The following SPTAN1 variants were observed in gnomAD, a reference collection of about 807,000 sequenced individuals.
The protein encoded by SPTAN1 is spectrin alpha, non-erythrocytic 1, also known as spectrin alpha chain, non-erythrocytic 1.
A neutral mutation model predicts 331.3 loss-of-function variants in SPTAN1; 61 were observed. The observed-to-expected ratio is 0.18, with a 90% CI of 0.15 to 0.23. The LOEUF is 0.23. SPTAN1 is among the 10% of genes least tolerant of loss of function. The probability of loss-of-function intolerance (pLI) is 1.00; values close to 1 mark genes in which losing one functional copy is unlikely to be tolerated. For missense variants in SPTAN1, 2,043 were observed against 3,147.9 expected (o/e 0.65, Z 8.40); for synonymous variants, 1,153 against 1,173.9 (o/e 0.98, Z 0.36).
chr9:128,556,916 A>G (rs1848699521), intron 1 of SPTAN1, among the ~76,000 whole-genome samples: 1 of 152,194 alleles, frequency 6.6e-6, no homozygotes, highest in Admixed American at 6.5e-5. Context: ...GTGCTAATCA[A>G]TTCTTTGGTG....
Position 128,629,900 on chromosome 9 carries a change from G to C in SPTAN1, c.6708-421G>C, listed in dbSNP as rs537140352. ...CCGGGACACTCCAGGGTTTCTGTGG[G>C]GAGGCTGTCAGGTTCTCAGCCTCCC... On this transcript the variant is annotated intron_variant, in intron 51 of 56. Coordinates refer to ENST00000372739, the MANE Select transcript of SPTAN1 (RefSeq NM_001130438.3). The surrounding 1 kb of genome is among the most constrained non-coding windows in gnomAD (Gnocchi z 4.9). 13 of 349,334 alleles carry C rather than the reference G, an allele frequency of 3.7e-5. No individual in the cohort carries two copies. The highest frequency in any genetic ancestry group is 2.7e-4 in the South Asian group (12 of 44,094). The allele number at this position is 349,334 out of a possible 1,614,324, so 21.6% of individuals were successfully genotyped here.
intron 27 of SPTAN1, chr9:128,601,301 A>G (rs1855120530): frequency 6.6e-6 from 1 of 152,048 alleles, no homozygotes; most frequent in African/African-American, 2.4e-5. Flanking sequence ...TATAACTGTG[A>G]TTGTGTAACT....
At chr9:128,560,716 G>A (rs1329818167) in intron 1 of SPTAN1, among the ~76,000 whole-genome samples, 1 of 151,992 alleles carries the variant, frequency 6.6e-6, no homozygotes, top group Admixed American at 6.5e-5. Context: ...ATGTGAAAAG[G>A]AACTAATAAA....
Position 128,579,542 on chromosome 9 carries a change from A to G in SPTAN1, c.1222-95A>G, listed in dbSNP as rs112047036. 1.7e-3 allele frequency: 1,584 copies of G among 905,828 alleles called. 14 individuals carry two copies. In the African/African-American group the frequency reaches 0.021, roughly 12 times the overall value. The allele number at this position is 905,828 out of a possible 1,614,324, so 56.1% of individuals were successfully genotyped here. On this transcript the variant is annotated intron_variant, in intron 9 of 56. Transcript: ENST00000372739. Reference sequence around the variant, plus strand: ...TTTTGTTTCTCATTTTAGATGTCATAGTCTGGCTTATAATGCTTATGTAAA... The same window carrying G: ...TTTTGTTTCTCATTTTAGATGTCATGGTCTGGCTTATAATGCTTATGTAAA...
intron 15 of SPTAN1, 31 bp from the exon 16 acceptor site, chr9:128,583,757 A>G (rs1390029613): frequency 2.5e-6 from 4 of 1,612,824 alleles, no homozygotes; most frequent in Non-Finnish European, 3.4e-6. Flanking sequence ...AATGCTAAGC[A>G]GTACAAAATT....
chr9:128,570,782 G>A (rs988274244), intron 3 of SPTAN1, among the ~76,000 whole-genome samples: 8 of 151,900 alleles, frequency 5.3e-5, no homozygotes, highest in Non-Finnish European at 1.2e-4. Context: ...TCAGCCTCCC[G>A]AGTAGCTAGG....
At chr9:128,596,976 A>G (rs532012044) in intron 24 of SPTAN1, among the ~76,000 whole-genome samples, 90 of 152,324 alleles carry the variant, frequency 5.9e-4, no homozygotes, top group African/African-American at 2.1e-3. Context: ...CCTGGCCAAC[A>G]TGGCAAAACC....
chr9:128,557,736 T>C (rs1848805690), intron 1 of SPTAN1, among the ~76,000 whole-genome samples: 1 of 151,822 alleles, frequency 6.6e-6, no homozygotes, highest in Non-Finnish European at 1.5e-5. Context: ...TGTGTATAAG[T>C]TTGTGTTTGA....
At chr9:128,593,795 C>A (rs1853855132) in intron 23 of SPTAN1, 2 of 283,788 alleles carry the variant, frequency 7.0e-6, no homozygotes, top group Admixed American at 4.3e-5. Flanking sequence ...ACAGAAAAAC[C>A]CTCTGTATAC....
chr9:128,599,237 C>T (rs1854729120), intron 26 of SPTAN1: 2 of 486,914 alleles, frequency 4.1e-6, no homozygotes, highest in South Asian at 4.1e-5. Flanking sequence ...CAGGTTCAAG[C>T]GATTCTCCCA....
intron 1 of SPTAN1, among the ~76,000 whole-genome samples, chr9:128,556,065 CA>C (rs1301650414): frequency 6.6e-6 from 1 of 151,886 alleles, no homozygotes; most frequent in Non-Finnish European, 1.5e-5. Context: ...ACTAAAAATA[CA>C]AAAAATTAGC....
intron 1 of SPTAN1, among the ~76,000 whole-genome samples, chr9:128,566,078 TTTTTG>T (rs1260168454): frequency 2.0e-5 from 3 of 152,112 alleles, no homozygotes; most frequent in South Asian, 2.1e-4. Context: ...TTGTTTTCGG[TTTTTG>T]TTTTGTTTTG....
chr9:128,628,107 G>GC (rs1028784288), intron 51 of SPTAN1, 165 bp downstream of exon 51: 1 of 901,064 alleles, frequency 1.1e-6, no homozygotes, highest in Non-Finnish European at 1.9e-6. Context: ...TGTGTGCCTT[G>GC]CCCCATAGCC....
rs776279771 is a variant in SPTAN1 at position 128,585,804 on chromosome 9, G to A, written c.2617G>A (p.Glu873Lys). The change falls in exon 19 of 57, where the codon GAG becomes AAG. Residue 873 changes from glutamate to lysine, a missense_variant. Physicochemically the swap from Glu to Lys is moderately conservative, Grantham distance 56. Around this residue, in one of 12 missense-constraint regions of SPTAN1, gnomAD observed 1,038 missense variants for 1,531.5 expected, o/e 0.68. Coordinates refer to ENST00000372739, the MANE Select transcript of SPTAN1 (RefSeq NM_001130438.3). ...GCTTCACGAGCTGAACCAAAAGTGG[G>A]AGGCACTGAAAGCCAAAGCTTCCCA... is the stretch of plus-strand genomic sequence containing the variant. ...AKLHELNQKW[E>K]ALKAKASQRR... The A allele has an allele frequency of 1.5e-5, 25 of 1,614,098 alleles. No individual in the cohort carries two copies. The highest frequency in any genetic ancestry group is 1.9e-5 in the Non-Finnish European group (22 of 1,180,044).
At position 128,577,146 on chromosome 9, in the gene SPTAN1, T is replaced by G. The variant is rs1379597836; in HGVS notation, c.803T>G (p.Ile268Ser). The G allele has an allele frequency of 6.2e-7, 1 of 1,614,110 alleles. No individual in the cohort carries two copies. The highest frequency in any genetic ancestry group is 1.6e-4 in the Middle Eastern group (1 of 6,062). Residue 268 changes from isoleucine to serine, a missense_variant, in exon 7 of 57, where the codon ATC (isoleucine) becomes AGC (serine). Physicochemically the swap from Ile to Ser is moderately radical, Grantham distance 142 (BLOSUM62 -2). Coordinates refer to ENST00000372739, the MANE Select transcript of SPTAN1 (RefSeq NM_001130438.3). This position sits in a 1 kb window ranked among gnomAD's most constrained non-coding sequence, Gnocchi z 4.2. ...QRFNRDVDET[I>S]SWIKEKEQLM... The stretch of plus-strand genomic sequence containing the variant: ...TTCTGTAGGGATGTGGATGAGACTA[T>G]CAGTTGGATTAAGGAAAAGGAGCAG...
Position 128,588,959 on chromosome 9 carries a change from T to G in SPTAN1, c.3006+16T>G, listed in dbSNP as rs775345372. On this transcript the variant is annotated intron_variant, in intron 21 of 56. Transcript: ENST00000372739. ...CACCAACAAGGCAAGGCACAGAGAG[T>G]GGCTGTGTGTTTGTTCCACGCTGGC... is the stretch of plus-strand genomic sequence containing the variant. The G allele has an allele frequency of 2.5e-6, 4 of 1,613,260 alleles. No individual in the cohort carries two copies. The highest frequency in any genetic ancestry group is 3.4e-6 in the Non-Finnish European group (4 of 1,179,810).
intron 52 of SPTAN1, chr9:128,630,694 AT>A (rs950828595): frequency 3.2e-4 from 98 of 310,884 alleles, no homozygotes; most frequent in African/African-American, 2.0e-3. Flanking sequence ...CATTTGGCTA[AT>A]TTTTGTTTAT....
At chr9:128,565,156 AGCTGG>A (rs1849868770) in intron 1 of SPTAN1, among the ~76,000 whole-genome samples, 1 of 152,152 alleles carries the variant, frequency 6.6e-6, no homozygotes, top group African/African-American at 2.4e-5. Context: ...TACAAAAATT[AGCTGG>A]GCGTGGTGGT....
chr9:128,621,300 A>T (rs1207487719), intron 45 of SPTAN1, 44 bp downstream of exon 45: 1 of 1,552,820 alleles, frequency 6.4e-7, no homozygotes, highest in Non-Finnish European at 8.9e-7. Context: ...CCACTGGGAC[A>T]CCCACGTGTT....
Sources: gnomAD v4.1 joint callset for allele counts (sites outside exome capture counted in the v4.1 genomes callset) on GRCh38, gnomAD v4.1.1 for gene constraint, gnomAD v4.1.1 regional missense constraint, Gnocchi (gnomAD v3.1) non-coding constraint, MANE v1.5 for transcripts, NCBI Gene and HGNC (gene_info 2026-07-23, HGNC 2026-07-21) for gene names.